ALG5: variants seen among roughly 807,000 people sequenced by gnomAD.
ALG5 encodes ALG5 dolichyl-phosphate beta-glucosyltransferase.
Under a neutral mutation model 51.8 loss-of-function variants are expected in ALG5, and 26 were observed. The observed-to-expected ratio is 0.50, with a 90% CI of 0.37 to 0.70. The LOEUF (loss-of-function observed/expected upper bound fraction) is 0.70. ALG5 is among the 30% of genes least tolerant of loss of function. The pLI is 0.00. For missense variants in ALG5, 311 were observed against 399.3 expected (o/e 0.78, Z 1.88); for synonymous variants, 141 against 136.1 (o/e 1.04, Z -0.25).
chr13:36,995,698 TACTC>T (rs1208004984), intron 1 of ALG5, 102 bp from the exon 2 acceptor site: 38 of 1,126,188 alleles, frequency 3.4e-5, no homozygotes, highest in Non-Finnish European at 4.3e-5. Flanking sequence ...TTTAGTTGAA[TACTC>T]ACTCTCAGGT....
chr13:36,964,627 T>C (rs1247765965), intron 8 of ALG5, among the ~76,000 whole-genome samples: 2 of 152,054 alleles, frequency 1.3e-5, no homozygotes, highest in African/African-American at 4.8e-5. Flanking sequence ...TTCAATGACA[T>C]AGAGGTGGCT....
chr13:36,950,648 T>C (rs1437951340), intron 9 of ALG5, among the ~76,000 whole-genome samples: 2 of 152,016 alleles, frequency 1.3e-5, no homozygotes, highest in African/African-American at 4.8e-5. Context: ...GACACGATTA[T>C]GGCTCACTGT....
intron 5 of ALG5, among the ~76,000 whole-genome samples, chr13:36,986,216 A>G (rs2059001152): frequency 1.3e-5 from 2 of 152,204 alleles, no homozygotes; most frequent in Non-Finnish European, 2.9e-5. Flanking sequence ...TATAGGATCT[A>G]AAGTTTACTA....
rs777229864 is a variant in ALG5 at position 36,949,967 on chromosome 13, A to G, written c.950T>C (p.Leu317Pro). 13 of 1,612,280 alleles carry G rather than the reference A, an allele frequency of 8.1e-6. No homozygotes were observed. Among genetic ancestry groups the G allele is most frequent in the Non-Finnish European group, 9.3e-6 (11 of 1,179,490 alleles). Residue 317 changes from leucine to proline, a missense_variant, in exon 10 of 10, where the codon CTT (leucine) becomes CCT (proline). Physicochemically the swap from Leu to Pro is moderately conservative, Grantham distance 98. Transcript: ENST00000239891. ...RLRYLTGAWR[L>P]EQTRKMN ...CTAATTCATTTTCCGAGTTTGCTCA[A>G]GCCTCCAGGCACCAGTCAAATATCG...
intron 4 of ALG5, among the ~76,000 whole-genome samples, chr13:36,990,028 A>G (rs1282610831): frequency 1.3e-5 from 2 of 152,136 alleles, no homozygotes; most frequent in African/African-American, 4.8e-5. Flanking sequence ...TATCCTGACC[A>G]TTTCTCCCGA....
chr13:36,990,228 A>G, intron 4 of ALG5, among the ~76,000 whole-genome samples: 1 of 152,158 alleles, frequency 6.6e-6, no homozygotes, highest in Non-Finnish European at 1.5e-5. Flanking sequence ...TGAGATAGTG[A>G]TCTATATTTG....
At chr13:36,961,552 G>C (rs1029221928) in intron 8 of ALG5, among the ~76,000 whole-genome samples, 5 of 152,094 alleles carry the variant, frequency 3.3e-5, no homozygotes, top group African/African-American at 1.2e-4. Context: ...AAAGACTTGA[G>C]CATCTGTACA....
chr13:36,959,276 G>C (rs2058854738), intron 8 of ALG5, among the ~76,000 whole-genome samples: 1 of 151,866 alleles, frequency 6.6e-6, no homozygotes, highest in African/African-American at 2.4e-5. Flanking sequence ...TTTTTTTTTG[G>C]AGATCTATTA....
At chr13:36,965,460 T>C in intron 8 of ALG5, 115 bp downstream of exon 8, 1 of 1,091,176 alleles carries the variant, frequency 9.2e-7, no homozygotes, top group Non-Finnish European at 1.3e-6. Context: ...ACATACATTA[T>C]TGTCAATTTT....
At chr13:36,971,864 A>C in intron 7 of ALG5, 113 bp downstream of exon 7, 1 of 697,644 alleles carries the variant, frequency 1.4e-6, no homozygotes, top group Non-Finnish European at 2.4e-6. Context: ...TTTGAAAGGA[A>C]CCTCATGTTT....
At chr13:36,999,101 G>C in intron 1 of ALG5, 134 bp downstream of exon 1, 1 of 720,860 alleles carries the variant, frequency 1.4e-6, no homozygotes, top group Non-Finnish European at 2.0e-6. Flanking sequence ...TCCGAGGTCA[G>C]GAATTTGGGG....
chr13:36,982,417 G>C (rs994313569), intron 6 of ALG5, among the ~76,000 whole-genome samples: 1 of 152,200 alleles, frequency 6.6e-6, no homozygotes, highest in Non-Finnish European at 1.5e-5. Context: ...GATTAAATTA[G>C]ATTTAAGAGT....
At chr13:36,991,411 T>C (rs1241429642) in intron 4 of ALG5, among the ~76,000 whole-genome samples, 1 of 152,206 alleles carries the variant, frequency 6.6e-6, no homozygotes, top group African/African-American at 2.4e-5. Flanking sequence ...AAGGCAAAGA[T>C]TTTTATTTCT....
At chr13:36,971,158 G>T (rs1026238766) in intron 7 of ALG5, among the ~76,000 whole-genome samples, 1 of 152,038 alleles carries the variant, frequency 6.6e-6, no homozygotes, top group African/African-American at 2.4e-5. Context: ...ACAAAATGAA[G>T]AATTGAACAT....
chr13:36,972,741 G>C (rs537254396), intron 6 of ALG5, among the ~76,000 whole-genome samples: 39 of 152,010 alleles, frequency 2.6e-4, no homozygotes, highest in East Asian at 7.8e-4. Context: ...GCCTGTAATC[G>C]CAGCACTTTG....
chr13:36,972,264 G>A (rs1375904119), intron 6 of ALG5, among the ~76,000 whole-genome samples: 5 of 152,060 alleles, frequency 3.3e-5, no homozygotes, highest in East Asian at 3.8e-4. Flanking sequence ...AGGGGCATGC[G>A]TTATGTTAAA....
chr13:36,949,992 G>A lies in ALG5; in HGVS notation c.925C>T (p.Arg309Ter). ...AGCCTCCAGGCACCAGTCAAATATC[G>A]AAGTCGTATAAAAAGTAGGTCTTTA... ...MGKDLLFIRL[R>*]YLTGAWRLEQ... is the part of the protein sequence containing the mutation. The change falls in exon 10 of 10, where the codon CGA becomes TGA. Residue 309 changes from arginine to a stop codon, truncating the protein, a stop_gained. Coordinates refer to ENST00000239891, the MANE Select transcript of ALG5 (RefSeq NM_013338.5). LOFTEE classifies it high-confidence loss of function. The A allele has an allele frequency of 1.9e-6, 3 of 1,613,262 alleles. No individual in the cohort carries two copies. Among genetic ancestry groups the A allele is most frequent in the South Asian group, 1.1e-5 (1 of 90,928 alleles).
intron 7 of ALG5, among the ~76,000 whole-genome samples, chr13:36,970,597 C>T (rs2138798297): frequency 6.8e-6 from 1 of 146,620 alleles, no homozygotes; most frequent in Non-Finnish European, 1.5e-5. Flanking sequence ...TAGACTCTGT[C>T]TCATAAAAAC....
chr13:36,985,771 T>C (rs1454567846), intron 5 of ALG5, 31 bp from the exon 6 acceptor site: 4 of 1,509,684 alleles, frequency 2.6e-6, no homozygotes, highest in African/African-American at 1.4e-5. Context: ...TCAAAGAAAA[T>C]TGGTTAAAAC....
Sources: allele counts gnomAD v4.1 joint callset (sites outside exome capture counted in the v4.1 genomes callset), GRCh38; gene constraint gnomAD v4.1.1; transcripts MANE v1.5; gene names NCBI Gene and HGNC (gene_info 2026-07-23, HGNC 2026-07-21).